Variants in BAZ2B observed in about 807,000 individuals in gnomAD.
BAZ2B encodes bromodomain adjacent to zinc finger domain protein 2B.
Under a neutral mutation model 246.0 loss-of-function variants are expected in BAZ2B, and 91 were observed. The ratio of observed to expected loss-of-function variants is 0.37; its 90% CI spans 0.31 to 0.44. The LOEUF (loss-of-function observed/expected upper bound fraction) is 0.44, where lower values mean the gene tolerates loss of function less well. Ranked by LOEUF, BAZ2B falls within the 20% of genes least tolerant of loss-of-function variation. BAZ2B has a pLI of 1.00. For synonymous variants in BAZ2B, 855 were observed against 860.0 expected, an observed-to-expected ratio of 0.99 and a Z score of 0.10; for missense variants, 2,332 against 2,533.7, an observed-to-expected ratio of 0.92 and a Z score of 1.71.
At chr2:159,393,601 T>A (rs1341118176) in intron 20 of BAZ2B, among the ~76,000 whole-genome samples, 1 of 147,200 alleles carries the variant, frequency 6.8e-6, no homozygotes, top group South Asian at 2.2e-4. Flanking sequence ...GATTTGCCCA[T>A]GAGTATTCTG....
chr2:159,530,244 C>A (rs928201894), intron 2 of BAZ2B, among the ~76,000 whole-genome samples: 1 of 152,162 alleles, frequency 6.6e-6, no homozygotes, highest in African/African-American at 2.4e-5. Context: ...ATAACTTTTG[C>A]AATTGTTAAG....
intron 3 of BAZ2B, among the ~76,000 whole-genome samples, chr2:159,467,990 G>A (rs890437368): frequency 2.6e-5 from 4 of 152,148 alleles, no homozygotes; most frequent in African/African-American, 9.7e-5. Flanking sequence ...AAATGTAAAG[G>A]GGAAATCTTG....
At chr2:159,545,346 A>C (rs1220180526) in intron 2 of BAZ2B, among the ~76,000 whole-genome samples, 1 of 152,200 alleles carries the variant, frequency 6.6e-6, no homozygotes, top group Non-Finnish European at 1.5e-5. Context: ...GAAATCATTC[A>C]TTCTCTGTCG....
intron 1 of BAZ2B, among the ~76,000 whole-genome samples, chr2:159,603,356 G>T (rs985545135): frequency 6.6e-6 from 1 of 152,154 alleles, no homozygotes; most frequent in Non-Finnish European, 1.5e-5. Flanking sequence ...TTAAAATGCC[G>T]TAAGGAGGCA....
At chr2:159,435,795 T>C (rs964328115) in intron 8 of BAZ2B, among the ~76,000 whole-genome samples, 3 of 152,210 alleles carry the variant, frequency 2.0e-5, no homozygotes, top group African/African-American at 7.2e-5. Context: ...CAGCCTGAAA[T>C]ACTTATTAAA....
the BAZ2B span, among the ~76,000 whole-genome samples, chr2:159,667,295 T>C: frequency 1.3e-5 from 2 of 151,996 alleles, no homozygotes; most frequent in Admixed American, 1.3e-4. Flanking sequence ...ATATCAACAA[T>C]TTATTGAAAG....
the BAZ2B span, among the ~76,000 whole-genome samples, chr2:159,699,086 C>T: frequency 2.4e-4 from 36 of 152,240 alleles, no homozygotes; most frequent in South Asian, 8.3e-4. Flanking sequence ...CATGTGGTAA[C>T]GGAGCAAGGA....
chr2:159,556,464 T>A (rs1465566226), intron 1 of BAZ2B, among the ~76,000 whole-genome samples: 1 of 152,170 alleles, frequency 6.6e-6, no homozygotes, highest in Admixed American at 6.5e-5. Context: ...ATTTTTGGAA[T>A]TTTTTGTTGT....
At chr2:159,317,745 G>A (rs143229139), downstream of BAZ2B, among the ~76,000 whole-genome samples, 60 of 152,050 alleles carry the variant, frequency 3.9e-4, no homozygotes, top group African/African-American at 1.4e-3. Context: ...AGCAGAGAGA[G>A]TTAGGATAAT....
chr2:159,645,793 C>T, the BAZ2B span, among the ~76,000 whole-genome samples: 25 of 152,044 alleles, frequency 1.6e-4, no homozygotes, highest in African/African-American at 5.3e-4. Flanking sequence ...ATGATGCCCC[C>T]TGAGCTGTAA....
chr2:159,495,214 G>C (rs889032485), intron 2 of BAZ2B, among the ~76,000 whole-genome samples: 3 of 151,904 alleles, frequency 2.0e-5, no homozygotes, highest in Non-Finnish European at 2.9e-5. Context: ...GGCCGGGCGC[G>C]GTGGCTCACG....
intron 3 of BAZ2B, among the ~76,000 whole-genome samples, chr2:159,474,084 G>A: frequency 6.6e-6 from 1 of 152,090 alleles, no homozygotes; most frequent in Admixed American, 6.5e-5. Flanking sequence ...GGTCTGCTTG[G>A]TCCACAGCTG....
chr2:159,471,588 C>T (rs901565399), intron 3 of BAZ2B, among the ~76,000 whole-genome samples: 1 of 152,008 alleles, frequency 6.6e-6, no homozygotes, highest in Non-Finnish European at 1.5e-5. Flanking sequence ...TCTGTCTCCC[C>T]CTGGCTCCCC....
At chr2:159,383,760 T>C in intron 23 of BAZ2B, 80 bp from the exon 24 acceptor site, 2 of 1,223,344 alleles carry the variant, frequency 1.6e-6, no homozygotes, top group East Asian at 2.5e-5. Context: ...ATAAACTTGA[T>C]ACGTAAATTA....
At chr2:159,499,935 T>C (rs955224474) in intron 2 of BAZ2B, among the ~76,000 whole-genome samples, 19 of 152,200 alleles carry the variant, frequency 1.2e-4, no homozygotes, top group African/African-American at 4.1e-4. Context: ...GTCAGTTGGA[T>C]AGATTACAAA....
chr2:159,565,613 C>CA (rs562561544), intron 1 of BAZ2B, among the ~76,000 whole-genome samples: 1 of 152,042 alleles, frequency 6.6e-6, no homozygotes, highest in Admixed American at 6.5e-5. Flanking sequence ...CCTGTCTTTA[C>CA]AAAAAATACA....
At position 159,324,625 on chromosome 2, in the gene BAZ2B, TAC is replaced by T. The variant is rs60009917; in HGVS notation, c.6353+184_6353+185del. ...TCTATACTATTCTACTCTAACCAAA[TAC>T]ACACACACACACACACACACACACA... is the stretch of plus-strand genomic sequence containing the variant. On this transcript the variant is annotated intron_variant, in intron 36 of 36. Transcript: ENST00000392783. Among the ~76,000 whole-genome samples the T allele has an allele frequency of 7.8e-3, 1,036 of 132,868 alleles. 5 individuals are homozygous for T. Among genetic ancestry groups the T allele is most frequent in the Non-Finnish European group, 0.013 (781 of 61,126 alleles). 87.2% of individuals were successfully genotyped at this position (132,868 alleles called of 152,430 possible). A position where few individuals can be genotyped will look rare whatever the true frequency, so the allele number is the denominator to read the frequency against.
intron 2 of BAZ2B, among the ~76,000 whole-genome samples, chr2:159,482,137 A>AAC (rs2079304167): frequency 6.6e-6 from 1 of 150,978 alleles, no homozygotes; most frequent in South Asian, 2.1e-4. Context: ...AAAACAAACA[A>AAC]AAAAAAAACC....
At chr2:159,450,610 TAAAC>T (rs1559468590) in intron 4 of BAZ2B, among the ~76,000 whole-genome samples, 3 of 151,650 alleles carry the variant, frequency 2.0e-5, no homozygotes, top group African/African-American at 4.8e-5. Context: ...TTTAGGAAAA[TAAAC>T]AAAATTTAGT....
Sources: gnomAD v4.1 joint callset for allele counts (sites outside exome capture counted in the v4.1 genomes callset) on GRCh38, gnomAD v4.1.1 for gene constraint, MANE v1.5 for transcripts, NCBI Gene and HGNC (gene_info 2026-07-23, HGNC 2026-07-21) for gene names.